Variants in GNAI1 observed in about 807,000 individuals in gnomAD.
GNAI1 encodes the protein G protein subunit alpha i1.
A neutral mutation model predicts 38.9 loss-of-function variants in GNAI1; 11 were observed. The observed-to-expected ratio is 0.28, with a 90% CI of 0.18 to 0.47. The LOEUF is 0.47. Among genes scored for constraint, GNAI1 ranks in the 20% least tolerant of loss-of-function variants. GNAI1 has a pLI of 0.99. For missense variants in GNAI1, 317 were observed against 436.9 expected, an observed-to-expected ratio of 0.73 and a Z score of 2.45; for synonymous variants, 166 against 145.1, an observed-to-expected ratio of 1.14 and a Z score of -1.04.
chr7:80,202,852 A>G (rs1330467494), intron 4 of GNAI1, among the ~76,000 whole-genome samples: 1 of 152,118 alleles, frequency 6.6e-6, no homozygotes, highest in Non-Finnish European at 1.5e-5. Context: ...AGACCATGCA[A>G]CTGTTCCCAT....
chr7:80,215,179 C>T (rs1788939399), intron 7 of GNAI1, among the ~76,000 whole-genome samples: 2 of 152,278 alleles, frequency 1.3e-5, no homozygotes, highest in Non-Finnish European at 1.5e-5. Context: ...CATATTTGCT[C>T]TCCTGTCCCT....
Position 80,218,333 on chromosome 7 carries a change from A to T in GNAI1, c.*840A>T, listed in dbSNP as rs1203923874. ...CTCTGAATTTTAATATTTGGCTGAT[A>T]TGAATGCATTGCCTCAAAGGTGATG... On this transcript the variant is annotated 3_prime_UTR_variant, in exon 8 of 8. Transcript: ENST00000649796. 1.3e-5 allele frequency: 2 copies of T among 152,120 alleles called. No individual in the cohort carries two copies. Among genetic ancestry groups the T allele is most frequent in the Non-Finnish European group, 2.9e-5 (2 of 68,000 alleles). The allele number at this position is 152,120 out of a possible 1,614,324, so 9.4% of individuals were successfully genotyped here.
chr7:80,200,324 CAAAAAAAAA>C (rs59511755), intron 4 of GNAI1, among the ~76,000 whole-genome samples: 4 of 40,376 alleles, frequency 9.9e-5, no homozygotes, highest in African/African-American at 1.7e-4. Flanking sequence ...GGCCATGTCT[CAAAAAAAAA>C]AAAAAAAAAA....
chr7:80,159,003 C>T (rs1787869101), intron 1 of GNAI1, among the ~76,000 whole-genome samples: 1 of 152,184 alleles, frequency 6.6e-6, no homozygotes, highest in African/African-American at 2.4e-5. Flanking sequence ...CCACCACCCA[C>T]CACAGACATG....
At chr7:80,153,984 A>G (rs1787772716) in intron 1 of GNAI1, among the ~76,000 whole-genome samples, 1 of 151,658 alleles carries the variant, frequency 6.6e-6, no homozygotes, top group African/African-American at 2.4e-5. Flanking sequence ...GTGCAGAGAC[A>G]TGATCTCGGC....
intron 1 of GNAI1, among the ~76,000 whole-genome samples, chr7:80,160,875 T>C (rs1410381770): frequency 2.0e-5 from 3 of 151,854 alleles, no homozygotes; most frequent in Non-Finnish European, 2.9e-5. Flanking sequence ...GAAAAAAAAA[T>C]GTCCTGGTAA....
At chr7:80,212,288 T>A (rs1180275726) in intron 6 of GNAI1, among the ~76,000 whole-genome samples, 2 of 152,214 alleles carry the variant, frequency 1.3e-5, no homozygotes, top group Non-Finnish European at 2.9e-5. Context: ...TTTATTATAA[T>A]ATTTAGAGTA....
At position 80,223,883 on chromosome 7, in the gene GNAI1, T is replaced by A. The variant is rs1324826997; in HGVS notation, c.*6390T>A. On this transcript the variant is annotated 3_prime_UTR_variant, in exon 8 of 8. Coordinates refer to ENST00000649796, the MANE Select transcript of GNAI1 (RefSeq NM_002069.6). Reference sequence around the variant, plus strand: ...AAGTTACAAATTTTAACTATGAATCTTCTTCTTCGAAAGGAATCTTGTCTA... The same window carrying A: ...AAGTTACAAATTTTAACTATGAATCATCTTCTTCGAAAGGAATCTTGTCTA... Among the ~76,000 whole-genome samples the A allele has an allele frequency of 6.6e-6, 1 of 152,180 alleles. No homozygotes were observed. Among genetic ancestry groups the A allele is most frequent in the Non-Finnish European group, 1.5e-5 (1 of 68,046 alleles).
At chr7:80,166,583 G>A (rs1458066828) in intron 1 of GNAI1, among the ~76,000 whole-genome samples, 1 of 152,094 alleles carries the variant, frequency 6.6e-6, no homozygotes, top group Non-Finnish European at 1.5e-5. Flanking sequence ...AATATTCTAA[G>A]TTGATTTTAG....
chr7:80,212,977 T>G, intron 7 of GNAI1, 108 bp downstream of exon 7: 2 of 769,994 alleles, frequency 2.6e-6, no homozygotes, highest in South Asian at 3.8e-5. Flanking sequence ...TTAGTGATTC[T>G]TAGACCTTTA....
intron 1 of GNAI1, among the ~76,000 whole-genome samples, chr7:80,161,957 A>G (rs1787931036): frequency 6.6e-6 from 1 of 152,148 alleles, no homozygotes; most frequent in Non-Finnish European, 1.5e-5. Context: ...ATACCAGGTT[A>G]TTTAATAGTT....
At chr7:80,139,506 G>T (rs1054857920) in intron 1 of GNAI1, among the ~76,000 whole-genome samples, 1 of 152,168 alleles carries the variant, frequency 6.6e-6, no homozygotes, top group Admixed American at 6.5e-5. Context: ...CTTCTGCCCA[G>T]CCTATTTTCC....
chr7:80,196,302 C>G (rs956549914), intron 3 of GNAI1, among the ~76,000 whole-genome samples: 1 of 151,930 alleles, frequency 6.6e-6, no homozygotes, highest in Non-Finnish European at 1.5e-5. Flanking sequence ...AATTGCCTGG[C>G]AAATAATCTT....
chr7:80,224,146 T>C lies in GNAI1; in HGVS notation c.*6653T>C, dbSNP rs557295029. On this transcript the variant is annotated 3_prime_UTR_variant, in exon 8 of 8. Transcript: ENST00000649796. ...ACGAACTCCTCCATTATTTAAAATA[T>C]GTTAGAGATACATAAATATATAGAG... is the stretch of plus-strand genomic sequence containing the variant. Among the ~76,000 whole-genome samples, 12 of 152,316 alleles carry C rather than the reference T, an allele frequency of 7.9e-5. No individual in the cohort carries two copies. Among genetic ancestry groups the C allele is most frequent in the Non-Finnish European group, 1.6e-4 (11 of 68,034 alleles).
At chr7:80,180,214 T>C (rs1229872361) in intron 1 of GNAI1, among the ~76,000 whole-genome samples, 1 of 152,168 alleles carries the variant, frequency 6.6e-6, no homozygotes, top group Admixed American at 6.6e-5. Flanking sequence ...CCTCTTCCTG[T>C]GTGGTTCTAA....
At chr7:80,197,748 A>G (rs1788603773) in intron 3 of GNAI1, among the ~76,000 whole-genome samples, 1 of 152,100 alleles carries the variant, frequency 6.6e-6, no homozygotes, top group Non-Finnish European at 1.5e-5. Context: ...ATATGCTTGA[A>G]TAATATGTTC....
chr7:80,171,477 T>G (rs1179755527), intron 1 of GNAI1, among the ~76,000 whole-genome samples: 1 of 152,206 alleles, frequency 6.6e-6, no homozygotes, highest in African/African-American at 2.4e-5. Context: ...CTTTGACCCT[T>G]GCAGAAACTG....
chr7:80,215,979 G>T (rs147722003), intron 7 of GNAI1, among the ~76,000 whole-genome samples: 1 of 152,282 alleles, frequency 6.6e-6, no homozygotes, highest in East Asian at 1.9e-4. Flanking sequence ...ATCTCAGAAT[G>T]ATGGCACTGC....
chr7:80,196,522 C>T (rs1000707608), intron 3 of GNAI1, among the ~76,000 whole-genome samples: 6 of 151,910 alleles, frequency 3.9e-5, no homozygotes, highest in East Asian at 1.9e-4. Context: ...AAGATAAAAT[C>T]GTTGTCATCA....
Sources: allele counts gnomAD v4.1 joint callset (sites outside exome capture counted in the v4.1 genomes callset), GRCh38; gene constraint gnomAD v4.1.1; transcripts MANE v1.5; gene names NCBI Gene and HGNC (gene_info 2026-07-23, HGNC 2026-07-21).